Variants in ITFG1 observed in about 807,000 individuals in gnomAD.
ITFG1 encodes the protein integrin alpha FG-GAP repeat containing 1.
A neutral mutation model predicts 81.8 loss-of-function variants in ITFG1; 34 were observed. The observed-to-expected ratio is 0.42, with a 90% CI of 0.32 to 0.55. The LOEUF (loss-of-function observed/expected upper bound fraction) is 0.55, where lower values mean the gene tolerates loss of function less well. ITFG1 is among the 20% of genes least tolerant of loss of function. ITFG1 has a pLI of 0.17. For missense variants in ITFG1, 672 were observed against 755.4 expected, an observed-to-expected ratio of 0.89 and a Z score of 1.29; for synonymous variants, 285 against 270.6, an observed-to-expected ratio of 1.05 and a Z score of -0.52.
chr16:47,366,254 T>C (rs1286473048), intron 7 of ITFG1, among the ~76,000 whole-genome samples: 1 of 152,220 alleles, frequency 6.6e-6, no homozygotes, highest in African/African-American at 2.4e-5. Flanking sequence ...AAATAGGATT[T>C]CTGACGGTAA....
Position 47,218,957 on chromosome 16 carries a change from A to G in ITFG1, c.1375-11T>C, listed in dbSNP as rs770802496. ...ATTCACTCCAAAGGGCTGCAATAGA[A>G]AAAAAAAATAGTTAAGGCTTGGAAA... On this transcript the variant is annotated splice_polypyrimidine_tract_variant and intron_variant, in intron 13 of 17. Coordinates refer to ENST00000320640, the MANE Select transcript of ITFG1 (RefSeq NM_030790.5). The G allele has an allele frequency of 6.5e-7, 1 of 1,534,548 alleles. No homozygotes were observed. Among genetic ancestry groups the G allele is most frequent in the Admixed American group, 2.0e-5 (1 of 49,470 alleles).
At chr16:47,304,734 G>T (rs768533466) in intron 10 of ITFG1, among the ~76,000 whole-genome samples, 2 of 152,086 alleles carry the variant, frequency 1.3e-5, no homozygotes, top group Non-Finnish European at 2.9e-5. Context: ...TTCCACACAC[G>T]ATAACCACTA....
intron 6 of ITFG1, among the ~76,000 whole-genome samples, chr16:47,398,359 G>A (rs1028680196): frequency 1.3e-5 from 2 of 152,132 alleles, no homozygotes; most frequent in Non-Finnish European, 2.9e-5. Flanking sequence ...AAACCATACT[G>A]CTAGATTTTG....
At chr16:47,291,435 G>A (rs963472867) in intron 10 of ITFG1, among the ~76,000 whole-genome samples, 2 of 151,912 alleles carry the variant, frequency 1.3e-5, no homozygotes, top group African/African-American at 4.8e-5. Flanking sequence ...ATTTGCAGTT[G>A]ATTCTCTTTG....
At chr16:47,367,583 T>A (rs751439697) in intron 7 of ITFG1, among the ~76,000 whole-genome samples, 2 of 152,238 alleles carry the variant, frequency 1.3e-5, no homozygotes, top group African/African-American at 2.4e-5. Context: ...TTTCATATTA[T>A]CACAATCTGC....
intron 6 of ITFG1, among the ~76,000 whole-genome samples, chr16:47,421,270 G>GCACACA (rs58232411): frequency 0.021 from 2,681 of 129,960 alleles, 39 homozygotes; most frequent in African/African-American, 0.025. Context: ...ACATACATAT[G>GCACACA]CACACACACA....
At position 47,437,106 on chromosome 16, in the gene ITFG1, G is replaced by A. The variant is rs973271770; in HGVS notation, c.561-8208C>T. 3.3e-5 allele frequency among the ~76,000 whole-genome samples: 5 copies of A among 152,090 alleles called. No individual in the cohort carries two copies. The South Asian group carries it at 1.0e-3, about 32-fold the overall frequency. ...TTTTGATCAAAATATTCCTGGAAAT[G>A]TAATATTAAGAAACTATTCTTAGTT... is the stretch of plus-strand genomic sequence containing the variant. On this transcript the variant is annotated intron_variant, in intron 5 of 17. Transcript: ENST00000320640.
chr16:47,311,364 A>T lies in ITFG1; in HGVS notation c.946T>A (p.Phe316Ile), dbSNP rs899738376. ...DFSNKGTLWGFVPFVDEQQPT... is the reference protein window; with the variant it reads ...DFSNKGTLWGIVPFVDEQQPT... ...TGCTGTTCATCCACAAATGGCACAA[A>T]GCCCCAGAGTGTGCCCTTATTGCTG... is the stretch of plus-strand genomic sequence containing the variant. The change falls in exon 10 of 18, where the codon TTT becomes ATT. Residue 316 changes from phenylalanine to isoleucine, a missense_variant. Coordinates refer to ENST00000320640, the MANE Select transcript of ITFG1 (RefSeq NM_030790.5). 1 of 1,613,874 alleles carries T rather than the reference A, an allele frequency of 6.2e-7. No homozygotes were observed. The highest frequency in any genetic ancestry group is 8.5e-7 in the Non-Finnish European group (1 of 1,179,810).
chr16:47,161,436 C>T (rs1393478265), intron 16 of ITFG1: 1 of 181,660 alleles, frequency 5.5e-6, no homozygotes, highest in African/African-American at 2.3e-5. Context: ...GTGCTTTATA[C>T]AAAGATTTAG....
At chr16:47,232,658 T>C (rs886858323) in intron 13 of ITFG1, among the ~76,000 whole-genome samples, 3 of 151,832 alleles carry the variant, frequency 2.0e-5, no homozygotes, top group African/African-American at 7.3e-5. Flanking sequence ...TTCTTTTTTC[T>C]TTTTTGACAG....
intron 6 of ITFG1, among the ~76,000 whole-genome samples, chr16:47,378,572 C>T (rs143417762): frequency 2.0e-5 from 3 of 152,278 alleles, no homozygotes; most frequent in East Asian, 3.9e-4. Flanking sequence ...GGAACTATAA[C>T]ACACAATGCT....
intron 14 of ITFG1, among the ~76,000 whole-genome samples, chr16:47,163,994 T>C (rs1964851841): frequency 1.3e-5 from 2 of 151,880 alleles, no homozygotes; most frequent in Admixed American, 1.3e-4. Context: ...CATCTGGCCC[T>C]GTAGGCACAT....
chr16:47,428,923 T>G, intron 5 of ITFG1, 25 bp from the exon 6 acceptor site: 3 of 1,350,010 alleles, frequency 2.2e-6, no homozygotes, highest in Non-Finnish European at 3.1e-6. Flanking sequence ...AAAAATACTT[T>G]TCTTAAGGCA....
In ITFG1 at chr16:47,461,032, C is replaced by A; in HGVS notation, c.14G>T (p.Gly5Val). The change falls in exon 1 of 18, where the codon GGC (glycine) becomes GTC (valine). Residue 5 changes from glycine (G) to valine (V), a missense_variant. Gly to Val is a moderately radical substitution (Grantham distance 109). Transcript: ENST00000320640. The part of the protein sequence containing the change: MAAA[G>V]RLPSSWALFS... ...GAGGGCCCAGGAGCTCGGGAGCCGG[C>A]CCGCCGCCGCCATGGCAGCCCCTCA... is the stretch of plus-strand genomic sequence containing the variant. The A allele has an allele frequency of 1.9e-6, 3 of 1,541,190 alleles. No homozygotes were observed. Among genetic ancestry groups the A allele is most frequent in the Non-Finnish European group, 2.6e-6 (3 of 1,145,638 alleles).
chr16:47,213,977 C>A (rs1965596005), intron 14 of ITFG1, among the ~76,000 whole-genome samples: 2 of 152,174 alleles, frequency 1.3e-5, no homozygotes, highest in South Asian at 4.1e-4. Context: ...GACTCTCCAT[C>A]AGAAATACTG....
intron 14 of ITFG1, among the ~76,000 whole-genome samples, chr16:47,190,579 AC>A (rs561902638): frequency 4.3e-4 from 65 of 152,234 alleles, no homozygotes; most frequent in Non-Finnish European, 8.7e-4. Context: ...TTAAATTGTC[AC>A]CTTCTGCTTC....
chr16:47,244,792 G>C (rs1224691955), intron 12 of ITFG1, among the ~76,000 whole-genome samples: 2 of 152,022 alleles, frequency 1.3e-5, no homozygotes, highest in Non-Finnish European at 2.9e-5. Flanking sequence ...CACAGGGAGA[G>C]GATCAGTGTC....
At chr16:47,427,289 C>T (rs1969035270) in intron 6 of ITFG1, among the ~76,000 whole-genome samples, 1 of 152,122 alleles carries the variant, frequency 6.6e-6, no homozygotes, top group African/African-American at 2.4e-5. Context: ...AACTGTATCA[C>T]CTAATGAACT....
intron 10 of ITFG1, among the ~76,000 whole-genome samples, chr16:47,307,213 G>C (rs191994471): frequency 1.3e-4 from 20 of 148,358 alleles, no homozygotes; most frequent in African/African-American, 4.7e-4. Context: ...TAAAGACTTA[G>C]AGAAAATTTA....
Sources: allele counts gnomAD v4.1 joint callset (sites outside exome capture counted in the v4.1 genomes callset), GRCh38; gene constraint gnomAD v4.1.1; transcripts MANE v1.5; gene names NCBI Gene and HGNC (gene_info 2026-07-23, HGNC 2026-07-21).